The following NECAB1 variants were observed in gnomAD, a reference collection of about 807,000 sequenced individuals.
The protein encoded by NECAB1 is N-terminal EF-hand calcium-binding protein 1.
In NECAB1, 29 loss-of-function variants were observed where a neutral mutation model predicts 57.5. The observed-to-expected ratio is 0.50, with a 90% CI of 0.38 to 0.69. The LOEUF (loss-of-function observed/expected upper bound fraction) is 0.69. Ranked by LOEUF, NECAB1 falls within the 30% of genes least tolerant of loss-of-function variation. The pLI, the probability that NECAB1 is intolerant of heterozygous loss-of-function variation, is 0.00. For missense variants in NECAB1, 372 were observed against 413.8 expected (o/e 0.90, Z 0.88); for synonymous variants, 142 against 147.7 (o/e 0.96, Z 0.28).
intron 3 of NECAB1, among the ~76,000 whole-genome samples, chr8:90,843,590 C>T (rs1004779082): frequency 6.6e-6 from 1 of 152,280 alleles, no homozygotes. Context: ...CGCTCATCCG[C>T]CAGAACAGTG....
intron 3 of NECAB1, among the ~76,000 whole-genome samples, chr8:90,834,631 G>A (rs1192471113): frequency 6.6e-6 from 1 of 152,154 alleles, no homozygotes; most frequent in African/African-American, 2.4e-5. Flanking sequence ...TGAAGTATTT[G>A]TTAGAGAAGC....
intron 3 of NECAB1, among the ~76,000 whole-genome samples, chr8:90,840,738 C>T (rs922508224): frequency 4.6e-5 from 7 of 152,248 alleles, no homozygotes; most frequent in Middle Eastern, 3.4e-3. Flanking sequence ...AACCACATAA[C>T]GCACAGTCAT....
At chr8:90,841,073 T>C (rs920125522) in intron 3 of NECAB1, among the ~76,000 whole-genome samples, 5 of 149,614 alleles carry the variant, frequency 3.3e-5, no homozygotes, top group African/African-American at 1.2e-4. Flanking sequence ...CTGGCTAACA[T>C]GTGAAACCCT....
chr8:90,905,839 C>T (rs1233003487), intron 5 of NECAB1, among the ~76,000 whole-genome samples: 1 of 152,126 alleles, frequency 6.6e-6, no homozygotes, highest in African/African-American at 2.4e-5. Context: ...GATTAATATT[C>T]TAGTTCCTAA....
chr8:90,914,003 G>C (rs958988764), intron 5 of NECAB1, among the ~76,000 whole-genome samples: 2 of 152,318 alleles, frequency 1.3e-5, no homozygotes, highest in South Asian at 4.1e-4. Context: ...CTGGATGCAG[G>C]GGGAGGCAGG....
At chr8:90,937,156 G>A (rs780900354) in intron 9 of NECAB1, among the ~76,000 whole-genome samples, 13 of 152,136 alleles carry the variant, frequency 8.5e-5, no homozygotes, top group Non-Finnish European at 1.9e-4. Context: ...GGAATAAATA[G>A]TTTATTAAGG....
intron 4 of NECAB1, among the ~76,000 whole-genome samples, chr8:90,879,633 A>C (rs1280794221): frequency 6.6e-6 from 1 of 152,058 alleles, no homozygotes; most frequent in Non-Finnish European, 1.5e-5. Flanking sequence ...TATTTTTCCA[A>C]CTTACGAATA....
chr8:90,919,073 A>G (rs1400156723), intron 6 of NECAB1, among the ~76,000 whole-genome samples: 1 of 152,142 alleles, frequency 6.6e-6, no homozygotes, highest in Non-Finnish European at 1.5e-5. Flanking sequence ...CTGAGAAAAT[A>G]AGTAGTCATA....
rs1225698446 is a variant in NECAB1, at chr8:90,957,603, ATGTG to A, written c.*2096_*2099del. 2 of 150,744 alleles carry A rather than the reference ATGTG, an allele frequency of 1.3e-5. No homozygotes were observed. The highest frequency in any genetic ancestry group is 4.9e-5 in the African/African-American group (2 of 41,160). 9.3% of individuals were successfully genotyped at this position (150,744 alleles called of 1,614,324 possible). A position where few individuals can be genotyped will look rare whatever the true frequency, so the allele number is the denominator to read the frequency against. ...GTTTGTGAGAGTTGTATGTATGTGA[ATGTG>A]TGTGAGTGTGTATTCACATACACAT... On this transcript the variant is annotated 3_prime_UTR_variant, in exon 13 of 13. Transcript: ENST00000417640.
At chr8:90,794,428 G>C (rs958225753) in intron 1 of NECAB1, among the ~76,000 whole-genome samples, 6 of 152,232 alleles carry the variant, frequency 3.9e-5, no homozygotes, top group Non-Finnish European at 8.8e-5. Flanking sequence ...GTAATTTTCT[G>C]TGTGTCTTCT....
chr8:90,909,762 T>C (rs2631032), intron 5 of NECAB1, among the ~76,000 whole-genome samples: 81,758 of 151,884 alleles, frequency 0.54, 25,999 homozygotes, highest in African/African-American at 0.87. Context: ...AGCAATTTTA[T>C]GAAAATATGT....
At chr8:90,903,428 T>C (rs1809556195) in intron 5 of NECAB1, among the ~76,000 whole-genome samples, 1 of 152,208 alleles carries the variant, frequency 6.6e-6, no homozygotes, top group South Asian at 2.1e-4. Flanking sequence ...AGTCTGTAAT[T>C]GTAGGTTTGT....
intron 5 of NECAB1, among the ~76,000 whole-genome samples, chr8:90,908,321 T>C (rs911942375): frequency 2.6e-5 from 4 of 152,142 alleles, no homozygotes; most frequent in Non-Finnish European, 5.9e-5. Flanking sequence ...ATTTTGGTGA[T>C]ATTTTATCAT....
At chr8:90,853,146 T>C (rs1586059660) in intron 3 of NECAB1, among the ~76,000 whole-genome samples, 1 of 152,252 alleles carries the variant, frequency 6.6e-6, no homozygotes, top group East Asian at 1.9e-4. Context: ...CCCTGGCTCC[T>C]GTAACCGCTC....
At position 90,918,790 on chromosome 8, in the gene NECAB1, C is replaced by A. The variant is rs149685509; in HGVS notation, c.494+1162C>A. ...CTGGTCACTGATTGGACAGTAATTT[C>A]TCTGGGAAGCCTTCACTGCTCATTC... On this transcript the variant is annotated intron_variant, in intron 6 of 12. Coordinates refer to ENST00000417640, the MANE Select transcript of NECAB1 (RefSeq NM_022351.5). 1.9e-3 allele frequency among the ~76,000 whole-genome samples: 292 copies of A among 152,318 alleles called. 1 individual carries two copies. Among genetic ancestry groups the A allele is most frequent in the African/African-American group, 6.7e-3 (280 of 41,580 alleles).
chr8:90,930,314 T>A (rs1810375693), intron 8 of NECAB1, among the ~76,000 whole-genome samples: 1 of 152,176 alleles, frequency 6.6e-6, no homozygotes, highest in Non-Finnish European at 1.5e-5. Flanking sequence ...GGAGCTCAAA[T>A]AAGAATCTGA....
At chr8:90,922,429 G>C (rs149737435) in intron 6 of NECAB1, among the ~76,000 whole-genome samples, 89 of 150,150 alleles carry the variant, frequency 5.9e-4, no homozygotes, top group Non-Finnish European at 1.1e-3. Flanking sequence ...CTTGAACATA[G>C]AGGAGGATTG....
intron 5 of NECAB1, among the ~76,000 whole-genome samples, chr8:90,910,798 C>T (rs1266952418): frequency 6.6e-6 from 1 of 152,186 alleles, no homozygotes; most frequent in Non-Finnish European, 1.5e-5. Flanking sequence ...CTCAAATTAG[C>T]CATTGTTATT....
At chr8:90,847,953 A>G (rs1229198037) in intron 3 of NECAB1, among the ~76,000 whole-genome samples, 1 of 152,152 alleles carries the variant, frequency 6.6e-6, no homozygotes, top group Non-Finnish European at 1.5e-5. Context: ...CATTTTTCCC[A>G]TTGTCTTGGT....
Sources: allele counts gnomAD v4.1 joint callset (sites outside exome capture counted in the v4.1 genomes callset), GRCh38; gene constraint gnomAD v4.1.1; transcripts MANE v1.5; gene names NCBI Gene and HGNC (gene_info 2026-07-23, HGNC 2026-07-21).